The following TUBGCP3 variants were observed in gnomAD, a reference collection of about 807,000 sequenced individuals.
TUBGCP3 encodes gamma-tubulin complex component 3.
TUBGCP3 carries 50 observed loss-of-function variants against 123.1 expected under a neutral mutation model. The observed-to-expected ratio is 0.41, with a 90% CI of 0.32 to 0.51. The LOEUF is 0.51. TUBGCP3 is among the 20% of genes least tolerant of loss of function. TUBGCP3 has a pLI of 0.36. For missense variants in TUBGCP3, 882 were observed against 1,127.0 expected, an observed-to-expected ratio of 0.78 and a Z score of 3.11; for synonymous variants, 405 against 413.9, an observed-to-expected ratio of 0.98 and a Z score of 0.26.
In TUBGCP3 at chr13:112,492,242, A is replaced by C. The variant is rs190897093; in HGVS notation, c.2449-2545T>G. Among the ~76,000 whole-genome samples, 60 of 152,322 alleles carry C rather than the reference A, an allele frequency of 3.9e-4. 1 individual carries two copies. The highest frequency in any genetic ancestry group is 6.8e-3 in the Middle Eastern group (2 of 294). On this transcript the variant is annotated intron_variant, in intron 20 of 21. Coordinates refer to ENST00000261965, the MANE Select transcript of TUBGCP3 (RefSeq NM_006322.6). The stretch of plus-strand genomic sequence containing the variant: ...AACCTATGTATACCTGTTTTACTTC[A>C]TTTATGAGCTTTAAACAATATCTTT...
At position 112,485,474 on chromosome 13, in the gene TUBGCP3, T is replaced by C. The variant is rs1879594529; in HGVS notation, c.*519A>G. 1 of 152,634 alleles carries C rather than the reference T, an allele frequency of 6.6e-6. No homozygotes were observed. Among genetic ancestry groups the C allele is most frequent in the Non-Finnish European group, 1.5e-5 (1 of 68,112 alleles). 9.5% of individuals were successfully genotyped at this position (152,634 alleles called of 1,614,324 possible). On this transcript the variant is annotated 3_prime_UTR_variant, in exon 22 of 22. Coordinates refer to ENST00000261965, the MANE Select transcript of TUBGCP3 (RefSeq NM_006322.6). ...TAAGATACAAAGGATCTCACAGAGG[T>C]TAATATTTTACAACACTAAAAAAAA... is the stretch of plus-strand genomic sequence containing the variant.
chr13:112,506,718 C>T (rs1356558291), intron 17 of TUBGCP3, among the ~76,000 whole-genome samples: 1 of 152,350 alleles, frequency 6.6e-6, no homozygotes, highest in East Asian at 1.9e-4. Flanking sequence ...CTTTTCCCTA[C>T]TAAAACTATA....
chr13:112,533,926 C>T (rs2139118929), intron 11 of TUBGCP3, among the ~76,000 whole-genome samples: 1 of 151,494 alleles, frequency 6.6e-6, no homozygotes, highest in Middle Eastern at 3.4e-3. Context: ...GAGCAGTGTA[C>T]ACTGCACCCA....
Position 112,522,309 on chromosome 13 carries a change from T to C in TUBGCP3, c.1745+11A>G, listed in dbSNP as rs375187493. On this transcript the variant is annotated intron_variant, in intron 14 of 21. Transcript: ENST00000261965. ...TATTACTTATTTATAGAAATCAAAA[T>C]AGTGCCTTACTTTAGCAAGTCCATT... 4.6e-5 allele frequency: 70 copies of C among 1,537,374 alleles called. 1 individual carries two copies. In the Middle Eastern group the frequency reaches 1.4e-3, roughly 31 times the overall value.
At chr13:112,589,331 C>G (rs1028170356), upstream of TUBGCP3, among the ~76,000 whole-genome samples, 1 of 152,204 alleles carries the variant, frequency 6.6e-6, no homozygotes, top group Non-Finnish European at 1.5e-5. Flanking sequence ...CAGCTCTCTC[C>G]TAGGACAGAC....
intron 1 of TUBGCP3, among the ~76,000 whole-genome samples, chr13:112,584,550 C>T (rs1882482107): frequency 6.6e-6 from 1 of 152,232 alleles, no homozygotes; most frequent in South Asian, 2.1e-4. Flanking sequence ...AGCAACACCA[C>T]TTGTGGTACT....
intron 1 of TUBGCP3, among the ~76,000 whole-genome samples, chr13:112,573,323 C>T (rs1168508643): frequency 1.3e-5 from 2 of 151,706 alleles, no homozygotes; most frequent in African/African-American, 4.9e-5. Context: ...TTGAAGAAGT[C>T]TCTCAAAAAC....
chr13:112,551,065 C>G (rs775504652), intron 8 of TUBGCP3, among the ~76,000 whole-genome samples: 1 of 152,072 alleles, frequency 6.6e-6, no homozygotes, highest in Non-Finnish European at 1.5e-5. Flanking sequence ...CGCCACTGCA[C>G]TCCAGCCTGG....
In TUBGCP3 at chr13:112,526,984, T is replaced by C. The variant is rs1353282772; in HGVS notation, c.1513A>G (p.Lys505Glu). 15 of 1,614,222 alleles carry C rather than the reference T, an allele frequency of 9.3e-6. No individual in the cohort carries two copies. Among genetic ancestry groups the C allele is most frequent in the Admixed American group, 1.7e-5 (1 of 60,020 alleles). Residue 505 changes from lysine (K) to glutamate (E), a missense_variant, in exon 13 of 22, where the codon AAG becomes GAG. Coordinates refer to ENST00000261965, the MANE Select transcript of TUBGCP3 (RefSeq NM_006322.6). ...GCAGACTTGGTCACAGCTATCATCT[T>C]TGTAGTGGGAGTCTGATCATGACAA... ...QVCHDQTPTTKMIAVTKSAES... is the reference protein window; with the variant it reads ...QVCHDQTPTTEMIAVTKSAES...
chr13:112,505,573 T>C (rs1881237764), intron 17 of TUBGCP3, among the ~76,000 whole-genome samples: 1 of 152,218 alleles, frequency 6.6e-6, no homozygotes, highest in Non-Finnish European at 1.5e-5. Context: ...ACAGTGGCAA[T>C]GCATACTTTT....
At chr13:112,580,424 G>C (rs758093670) in intron 1 of TUBGCP3, among the ~76,000 whole-genome samples, 71 of 151,684 alleles carry the variant, frequency 4.7e-4, no homozygotes, top group Non-Finnish European at 8.4e-4. Context: ...TTGAGCCCAG[G>C]AGTTTGCGAC....
intron 1 of TUBGCP3, among the ~76,000 whole-genome samples, chr13:112,574,149 G>A (rs1203032316): frequency 7.1e-6 from 1 of 141,056 alleles, no homozygotes; most frequent in East Asian, 2.1e-4. Context: ...AGCTCACAGT[G>A]TGGCTTCCCC....
chr13:112,572,814 T>G (rs1277564911), intron 1 of TUBGCP3, among the ~76,000 whole-genome samples: 1 of 152,150 alleles, frequency 6.6e-6, no homozygotes. Context: ...TGTGAGAATT[T>G]CCAAATATGA....
chr13:112,544,236 A>T (rs182535917), intron 11 of TUBGCP3, among the ~76,000 whole-genome samples: 1 of 151,976 alleles, frequency 6.6e-6, no homozygotes, highest in South Asian at 2.1e-4. Flanking sequence ...GGCAGATCAC[A>T]AGGTCAGGAG....
rs117490747 is a variant in TUBGCP3, at chr13:112,495,292, A to G, written c.2448+3753T>C. 1.5e-3 allele frequency among the ~76,000 whole-genome samples: 223 copies of G among 152,350 alleles called. 1 individual carries two copies. The highest frequency in any genetic ancestry group is 9.1e-3 in the Admixed American group (140 of 15,304). ...TACACAACCAGACTTTTGTAACAACAACAAAATGCCAGCTTTCCTTCCTTC... is the reference window on the plus strand; with the variant it reads ...TACACAACCAGACTTTTGTAACAACGACAAAATGCCAGCTTTCCTTCCTTC... On this transcript the variant is annotated intron_variant, in intron 20 of 21. Transcript: ENST00000261965.
At chr13:112,595,123 A>G in the TUBGCP3 span, among the ~76,000 whole-genome samples, 1 of 152,184 alleles carries the variant, frequency 6.6e-6, no homozygotes, top group African/African-American at 2.4e-5. Context: ...TGTTCTATCA[A>G]TTGGCGGGAA....
At chr13:112,495,570 A>G (rs969206865) in intron 20 of TUBGCP3, among the ~76,000 whole-genome samples, 1 of 152,202 alleles carries the variant, frequency 6.6e-6, no homozygotes, top group African/African-American at 2.4e-5. Context: ...TATTAGAATG[A>G]TAACAGGGAG....
chr13:112,488,447 G>A (rs1413740257), intron 21 of TUBGCP3, among the ~76,000 whole-genome samples: 1 of 152,196 alleles, frequency 6.6e-6, no homozygotes, highest in Non-Finnish European at 1.5e-5. Flanking sequence ...CAGCCTTCCG[G>A]GGTCTACACC....
rs201516351 is a variant in TUBGCP3, at chr13:112,575,839, GGCCAAGGA to G, written c.77-6588_77-6581del. ...CTGGCAGTCAGTCAACACACACATG[GGCCAAGGA>G]GCCAATGAGCCAAGGAGCACCACAG... On this transcript the variant is annotated intron_variant, in intron 1 of 21. Coordinates refer to ENST00000261965, the MANE Select transcript of TUBGCP3 (RefSeq NM_006322.6). Among the ~76,000 whole-genome samples the G allele has an allele frequency of 6.3e-3, 959 of 152,256 alleles. 7 individuals are homozygous for G. Among genetic ancestry groups the G allele is most frequent in the African/African-American group, 0.022 (899 of 41,534 alleles).
Sources: gnomAD v4.1 joint callset for allele counts (sites outside exome capture counted in the v4.1 genomes callset) on GRCh38, gnomAD v4.1.1 for gene constraint, MANE v1.5 for transcripts, NCBI Gene and HGNC (gene_info 2026-07-23, HGNC 2026-07-21) for gene names.